The following EIF2B3 variants were observed in gnomAD, a reference collection of about 807,000 sequenced individuals.
The protein encoded by EIF2B3 is translation initiation factor eIF2B subunit gamma.
EIF2B3 carries 20 observed loss-of-function variants against 54.1 expected under a neutral mutation model. That is an observed-to-expected ratio of 0.37 (90% CI 0.26 to 0.54). The LOEUF is 0.54. Ranked by LOEUF, EIF2B3 falls within the 20% of genes least tolerant of loss-of-function variation. The pLI is 0.86. For missense variants in EIF2B3, 448 were observed against 547.8 expected (o/e 0.82, Z 1.82); for synonymous variants, 153 against 188.1 (o/e 0.81, Z 1.52).
At chr1:44,910,464 G>C (rs1006426016) in intron 5 of EIF2B3, among the ~76,000 whole-genome samples, 2 of 152,058 alleles carry the variant, frequency 1.3e-5, no homozygotes, top group African/African-American at 2.4e-5. Flanking sequence ...GTTGTGCTTT[G>C]TTTAAATCCA....
chr1:44,896,960 T>C (rs1017001057), intron 6 of EIF2B3, among the ~76,000 whole-genome samples: 2 of 152,134 alleles, frequency 1.3e-5, no homozygotes, highest in African/African-American at 4.8e-5. Flanking sequence ...AGCCCTTTGC[T>C]AAGAGGGCCC....
At chr1:44,969,948 A>C (rs375493837) in intron 3 of EIF2B3, 1 of 152,238 alleles carries the variant, frequency 6.6e-6, no homozygotes, top group African/African-American at 2.4e-5. Flanking sequence ...CATGTTATCA[A>C]CGTCAGTTGT....
At chr1:44,918,853 T>C (rs1243005143) in intron 5 of EIF2B3, among the ~76,000 whole-genome samples, 1 of 152,222 alleles carries the variant, frequency 6.6e-6, no homozygotes, top group Non-Finnish European at 1.5e-5. Context: ...ATTGTTATAT[T>C]ATTTTGGTCA....
chr1:44,979,599 A>G (rs141257557), intron 2 of EIF2B3, among the ~76,000 whole-genome samples: 56 of 151,990 alleles, frequency 3.7e-4, no homozygotes, highest in African/African-American at 1.4e-3. Flanking sequence ...CAGAGGTTGC[A>G]ATGAGCTGAA....
chr1:44,920,412 A>G lies in EIF2B3; in HGVS notation c.566+6216T>C, dbSNP rs1643716085. 3.3e-5 allele frequency among the ~76,000 whole-genome samples: 5 copies of G among 152,312 alleles called. No individual in the cohort carries two copies. In the South Asian group the frequency reaches 1.0e-3, roughly 32 times the overall value. On this transcript the variant is annotated intron_variant, in intron 5 of 11. Coordinates refer to ENST00000360403, the MANE Select transcript of EIF2B3 (RefSeq NM_020365.5). ...CCAATTATACTCTCTTAGTTATTTT[A>G]AAATGTACAATTAAATTATTTTTTA...
chr1:44,854,217 G>A (rs1654368859), intron 11 of EIF2B3, among the ~76,000 whole-genome samples: 2 of 152,028 alleles, frequency 1.3e-5, no homozygotes, highest in Admixed American at 1.3e-4. Context: ...TGGCTGGGCT[G>A]GTCTCGAACT....
chr1:44,867,122 G>A (rs532638791), intron 10 of EIF2B3, among the ~76,000 whole-genome samples: 1 of 152,272 alleles, frequency 6.6e-6, no homozygotes, highest in East Asian at 1.9e-4. Context: ...ACTGCAAAAA[G>A]CATGGAAAAC....
intron 6 of EIF2B3, among the ~76,000 whole-genome samples, chr1:44,891,907 T>G (rs929333957): frequency 7.9e-5 from 12 of 152,154 alleles, no homozygotes; most frequent in African/African-American, 2.9e-4. Context: ...TTATTTTATG[T>G]TTTGTAATTT....
chr1:44,865,442 TGTGCATAG>T (rs1344862350), intron 10 of EIF2B3, among the ~76,000 whole-genome samples: 1 of 152,230 alleles, frequency 6.6e-6, no homozygotes, highest in Non-Finnish European at 1.5e-5. Context: ...TTCTGTAGTC[TGTGCATAG>T]GTATGAGTAG....
In EIF2B3 at chr1:44,912,759, T is replaced by A. The variant is rs962753481; in HGVS notation, c.566+13869A>T. Among the ~76,000 whole-genome samples the A allele has an allele frequency of 3.3e-5, 5 of 152,218 alleles. No individual in the cohort carries two copies. In the East Asian group the frequency reaches 9.6e-4, roughly 29 times the overall value. On this transcript the variant is annotated intron_variant, in intron 5 of 11. Coordinates refer to ENST00000360403, the MANE Select transcript of EIF2B3 (RefSeq NM_020365.5). ...TTGGACATAACTGTTCAGTATCTGA[T>A]ATCCCTTGCTATTGTTTGTTAACCT...
intron 6 of EIF2B3, among the ~76,000 whole-genome samples, chr1:44,896,535 A>G (rs1557675297): frequency 6.6e-6 from 1 of 152,194 alleles, no homozygotes; most frequent in Non-Finnish European, 1.5e-5. Flanking sequence ...GGTCGGAGAT[A>G]CCTCTTGCTA....
chr1:44,863,070 G>A (rs1412244517), intron 10 of EIF2B3: 3 of 152,180 alleles, frequency 2.0e-5, no homozygotes, highest in East Asian at 1.9e-4. Context: ...GAGAATATTC[G>A]GCAAAGAGCC....
chr1:44,893,378 C>G (rs1655863793), intron 6 of EIF2B3, among the ~76,000 whole-genome samples: 1 of 152,094 alleles, frequency 6.6e-6, no homozygotes, highest in African/African-American at 2.4e-5. Flanking sequence ...GTTGTGACTG[C>G]TCTGTTACTC....
intron 3 of EIF2B3, among the ~76,000 whole-genome samples, chr1:44,957,227 TG>T (rs1408063171): frequency 3.4e-5 from 5 of 145,112 alleles, no homozygotes; most frequent in African/African-American, 1.3e-4. Context: ...GATCGTGCCA[TG>T]GCACTCTAGC....
Position 44,986,586 on chromosome 1 carries a change from C to G in EIF2B3, c.-103G>C, listed in dbSNP as rs1262340701. 1 of 152,920 alleles carries G rather than the reference C, an allele frequency of 6.5e-6. No individual in the cohort carries two copies. Among genetic ancestry groups the G allele is most frequent in the African/African-American group, 2.4e-5 (1 of 41,492 alleles). 9.5% of individuals were successfully genotyped at this position (152,920 alleles called of 1,614,324 possible). ...CCGCAACCGCTCCCAGCGATCTCCA[C>G]GCCGCCTCTGACTGACAGCCCAATG... On this transcript the variant is annotated 5_prime_UTR_variant, in exon 1 of 12. Transcript: ENST00000360403.
At chr1:44,914,972 A>G (rs534660899) in intron 5 of EIF2B3, among the ~76,000 whole-genome samples, 1 of 148,120 alleles carries the variant, frequency 6.8e-6, no homozygotes, top group African/African-American at 2.5e-5. Context: ...TACAGGTGTG[A>G]GCCACCATGC....
chr1:44,867,524 G>A (rs1487678874), intron 10 of EIF2B3, among the ~76,000 whole-genome samples: 1 of 152,020 alleles, frequency 6.6e-6, no homozygotes, highest in Admixed American at 6.6e-5. Context: ...AGCACATAAC[G>A]AATATGAGAA....
At chr1:44,895,511 CCT>C (rs146238886) in intron 6 of EIF2B3, among the ~76,000 whole-genome samples, 45 of 150,090 alleles carry the variant, frequency 3.0e-4, no homozygotes, top group South Asian at 1.3e-3. Context: ...TTAAAAAAAG[CCT>C]CTCTCTCTCT....
intron 5 of EIF2B3, among the ~76,000 whole-genome samples, chr1:44,904,795 G>A (rs1210445812): frequency 1.3e-5 from 2 of 152,194 alleles, no homozygotes; most frequent in Admixed American, 6.5e-5. Flanking sequence ...TTACAGGCAT[G>A]AGCCACCATG....
Sources: allele counts gnomAD v4.1 joint callset (sites outside exome capture counted in the v4.1 genomes callset), GRCh38; gene constraint gnomAD v4.1.1; transcripts MANE v1.5; gene names NCBI Gene and HGNC (gene_info 2026-07-23, HGNC 2026-07-21).